Variants in ECPAS observed in about 807,000 individuals in gnomAD.
ECPAS encodes the protein proteasome adapter and scaffold protein ECM29.
ECPAS carries 70 observed loss-of-function variants against 255.1 expected under a neutral mutation model. The observed-to-expected ratio is 0.27, with a 90% CI of 0.23 to 0.33. The LOEUF is 0.33. ECPAS is among the 10% of genes least tolerant of loss of function. The pLI is 1.00. For synonymous variants in ECPAS, 784 were observed against 775.0 expected, an observed-to-expected ratio of 1.01 and a Z score of -0.19; for missense variants, 1,817 against 2,206.4, an observed-to-expected ratio of 0.82 and a Z score of 3.54.
At chr9:111,384,634 T>C (rs2098145179) in intron 33 of ECPAS, 65 bp from the exon 34 acceptor site, 3 of 1,476,498 alleles carry the variant, frequency 2.0e-6, no homozygotes, top group Admixed American at 3.4e-5. Context: ...ACTCTACAAT[T>C]TGCAATTTAA....
intron 15 of ECPAS, among the ~76,000 whole-genome samples, chr9:111,421,094 A>AT (rs146183450): frequency 0.044 from 6,666 of 152,312 alleles, 201 homozygotes; most frequent in Non-Finnish European, 0.068. Context: ...ACCTTTGTCC[A>AT]TAACATATGA....
At chr9:111,406,224 A>G (rs922271498) in intron 24 of ECPAS, among the ~76,000 whole-genome samples, 4 of 149,722 alleles carry the variant, frequency 2.7e-5, no homozygotes, top group Admixed American at 2.6e-4. Context: ...TGACGGCAAC[A>G]TAGATGGAAC....
intron 48 of ECPAS, among the ~76,000 whole-genome samples, chr9:111,365,352 G>C (rs1213472445): frequency 6.6e-6 from 1 of 151,546 alleles, no homozygotes; most frequent in Non-Finnish European, 1.5e-5. Context: ...TAATGGAGGG[G>C]AGGGGGAAAA....
At chr9:111,450,168 G>A (rs2098258455) in intron 3 of ECPAS, among the ~76,000 whole-genome samples, 1 of 152,086 alleles carries the variant, frequency 6.6e-6, no homozygotes, top group African/African-American at 2.4e-5. Context: ...GCATATAGAA[G>A]GCACTCAGTA....
chr9:111,465,412 C>T (rs895311514), intron 2 of ECPAS, among the ~76,000 whole-genome samples: 2 of 150,844 alleles, frequency 1.3e-5, no homozygotes, highest in Non-Finnish European at 3.0e-5. Flanking sequence ...TGGTGGCGGG[C>T]GCCTGTAATC....
chr9:111,479,568 G>A (rs1028109845), intron 1 of ECPAS, among the ~76,000 whole-genome samples: 2 of 152,022 alleles, frequency 1.3e-5, no homozygotes, highest in Non-Finnish European at 2.9e-5. Flanking sequence ...ACTCCAGCCT[G>A]GGCGACAGAG....
chr9:111,438,183 G>C (rs994738900), intron 6 of ECPAS, among the ~76,000 whole-genome samples: 4 of 152,116 alleles, frequency 2.6e-5, no homozygotes, highest in African/African-American at 9.7e-5. Flanking sequence ...TGAATTTCAA[G>C]GTTTATCTAC....
In ECPAS at chr9:111,440,497, G is replaced by T. The variant is rs1290418871; in HGVS notation, c.414C>A (p.Thr138=). 6.2e-6 allele frequency: 10 copies of T among 1,608,588 alleles called. No homozygotes were observed. Among genetic ancestry groups the T allele is most frequent in the Admixed American group, 1.7e-5 (1 of 59,464 alleles). Reference sequence around the variant, plus strand: ...CAACAGGGTATTTCATGTGAAAAAGGGTTGGTATTAAAAGATGCATTAAGC... The same window carrying T: ...CAACAGGGTATTTCATGTGAAAAAGTGTTGGTATTAAAAGATGCATTAAGC... ...QDSLMHLLIP[T]LFHMKYPVES... Residue 138 remains threonine, a synonymous_variant, in exon 6 of 50, where the codon ACC becomes ACA. Coordinates refer to ENST00000684092, the MANE Select transcript of ECPAS (RefSeq NM_001364929.1).
chr9:111,423,815 T>C (rs1006343246), intron 12 of ECPAS, among the ~76,000 whole-genome samples: 1 of 152,222 alleles, frequency 6.6e-6, no homozygotes. Context: ...AAGATACAGA[T>C]AGAGTTTTAC....
intron 2 of ECPAS, among the ~76,000 whole-genome samples, chr9:111,458,381 C>T (rs1264929362): frequency 1.3e-5 from 2 of 152,052 alleles, no homozygotes; most frequent in African/African-American, 4.8e-5. Context: ...ATTTAGGTGA[C>T]CTCTGTCCAT....
intron 46 of ECPAS, among the ~76,000 whole-genome samples, chr9:111,368,633 T>C (rs759355228): frequency 2.0e-5 from 3 of 152,034 alleles, no homozygotes; most frequent in East Asian, 1.9e-4. Flanking sequence ...GGTGTCCTTA[T>C]AGGAAGAGGT....
rs2131797990 is a variant in ECPAS, at chr9:111,422,036, G to A, written c.1340C>T (p.Pro447Leu). The change falls in exon 15 of 50, where the codon CCT (proline) becomes CTT (leucine). Residue 447 changes from proline to leucine, a missense_variant. By Grantham distance (98) the Pro-to-Leu change is moderately conservative. Around this residue, in one of 4 missense-constraint regions of ECPAS, gnomAD observed 573 missense variants for 716.2 expected, o/e 0.80. Coordinates refer to ENST00000684092, the MANE Select transcript of ECPAS (RefSeq NM_001364929.1). ...QLFEALCKEE[P>L]ETRLAIQEAL... The stretch of plus-strand genomic sequence containing the variant: ...TTCTTGAATAGCAAGTCGAGTCTCA[G>A]GCTCTTCCTATAAAGATGATAAAAA... 6.2e-7 allele frequency: 1 copy of A among 1,613,684 alleles called. No homozygotes were observed. Among genetic ancestry groups the A allele is most frequent in the Non-Finnish European group, 8.5e-7 (1 of 1,179,770 alleles).
chr9:111,462,896 C>G (rs907168811), intron 2 of ECPAS, among the ~76,000 whole-genome samples: 2 of 152,088 alleles, frequency 1.3e-5, no homozygotes, highest in African/African-American at 4.8e-5. Context: ...GCATGCGCCA[C>G]CACACCTGGC....
intron 2 of ECPAS, among the ~76,000 whole-genome samples, chr9:111,463,090 C>T (rs1554801406): frequency 6.6e-6 from 1 of 152,110 alleles, no homozygotes; most frequent in Non-Finnish European, 1.5e-5. Flanking sequence ...GATAATAACC[C>T]CCAAATTTCC....
At chr9:111,408,705 A>G in intron 23 of ECPAS, 33 bp from the exon 24 acceptor site, 1 of 1,363,702 alleles carries the variant, frequency 7.3e-7, no homozygotes, top group South Asian at 1.4e-5. Context: ...TCTTTTAAAC[A>G]GAGTATATAA....
At chr9:111,444,992 CTTTTTTTTTTTT>C (rs373389870) in intron 3 of ECPAS, among the ~76,000 whole-genome samples, 2 of 105,590 alleles carry the variant, frequency 1.9e-5, no homozygotes, top group Non-Finnish European at 3.6e-5. Flanking sequence ...CTGCTCCTGG[CTTTTTTTTTTTT>C]TTTTTTTTTG....
intron 46 of ECPAS, among the ~76,000 whole-genome samples, chr9:111,367,646 G>A (rs1160088674): frequency 6.6e-6 from 1 of 152,046 alleles, no homozygotes; most frequent in Non-Finnish European, 1.5e-5. Context: ...TATAAACATA[G>A]CAAATATATA....
chr9:111,467,675 A>C (rs1290164033), intron 2 of ECPAS, among the ~76,000 whole-genome samples: 3 of 152,238 alleles, frequency 2.0e-5, no homozygotes, highest in Non-Finnish European at 4.4e-5. Context: ...AGATCTATCA[A>C]GTTACTACAG....
chr9:111,396,677 G>A (rs149226133), intron 25 of ECPAS, among the ~76,000 whole-genome samples: 3,056 of 152,212 alleles, frequency 0.02, 34 homozygotes, highest in Non-Finnish European at 0.032. Flanking sequence ...TCAGCCTCCC[G>A]AGTAGCTGGG....
Sources: allele counts gnomAD v4.1 joint callset (sites outside exome capture counted in the v4.1 genomes callset), GRCh38; gene constraint gnomAD v4.1.1; regional missense constraint gnomAD v4.1.1; transcripts MANE v1.5; gene names NCBI Gene and HGNC (gene_info 2026-07-23, HGNC 2026-07-21).